Variants in GRM4 observed in about 807,000 individuals in gnomAD.
GRM4 encodes glutamate metabotropic receptor 4, also known as metabotropic glutamate receptor 4.
In GRM4, 28 loss-of-function variants were observed where a neutral mutation model predicts 81.7. The observed-to-expected ratio is 0.34, with a 90% CI of 0.25 to 0.47. The LOEUF is 0.47. Among genes scored for constraint, GRM4 ranks in the 20% least tolerant of loss-of-function variants. The pLI is 1.00. For synonymous variants in GRM4, 488 were observed against 528.8 expected, an observed-to-expected ratio of 0.92 and a Z score of 1.06; for missense variants, 948 against 1,290.0, an observed-to-expected ratio of 0.73 and a Z score of 4.06.
In GRM4 at chr6:34,133,704, C is replaced by A. The variant is rs1454275615; in HGVS notation, c.-208G>T. The stretch of plus-strand genomic sequence containing the variant: ...TGCCCGCACAGTCCAGGCCCACAGA[C>A]AGCAGGCAGTGGCCGGGGTTGCAGG... On this transcript the variant is annotated 5_prime_UTR_variant, in exon 2 of 11. Coordinates refer to ENST00000538487, the MANE Select transcript of GRM4 (RefSeq NM_000841.4). This position sits in a 1 kb window ranked among gnomAD's most constrained non-coding sequence, Gnocchi z 6.5. The A allele has an allele frequency of 1.5e-6, 2 of 1,311,680 alleles. No homozygotes were observed. Among genetic ancestry groups the A allele is most frequent in the African/African-American group, 3.0e-5 (2 of 66,662 alleles). 81.3% of individuals were successfully genotyped at this position (1,311,680 alleles called of 1,614,324 possible).
chr6:34,110,325 A>C (rs1018014717), intron 2 of GRM4, among the ~76,000 whole-genome samples: 5 of 150,340 alleles, frequency 3.3e-5, no homozygotes, highest in Non-Finnish European at 5.9e-5. Context: ...AAAAAAAAAA[A>C]AAAACCCCAC....
intron 1 of GRM4, among the ~76,000 whole-genome samples, chr6:34,141,471 C>CAATTT (rs1770688917): frequency 6.6e-6 from 1 of 152,236 alleles, no homozygotes; most frequent in Non-Finnish European, 1.5e-5. Flanking sequence ...CTGCGTTCCC[C>CAATTT]AATTTATTTA....
chr6:34,144,554 C>T (rs992933584), intron 1 of GRM4, among the ~76,000 whole-genome samples: 13 of 152,170 alleles, frequency 8.5e-5, no homozygotes, highest in Non-Finnish European at 1.6e-4. Context: ...CACGGGCAAG[C>T]GGTTGCCGGG....
chr6:34,036,621 G>C lies in GRM4; in HGVS notation c.1507-18C>G, dbSNP rs773233897. On this transcript the variant is annotated intron_variant, in intron 8 of 10. Transcript: ENST00000538487. The surrounding 1 kb of genome is among the most constrained non-coding windows in gnomAD (Gnocchi z 9.0). ...CGCTCTATCTGGCAATGACAGCACC[G>C]TAAAGCAGGCCTCAGAACATGCCAC... is the stretch of plus-strand genomic sequence containing the variant. 1 of 1,433,834 alleles carries C rather than the reference G, an allele frequency of 7.0e-7. No homozygotes were observed. Among genetic ancestry groups the C allele is most frequent in the Non-Finnish European group, 9.6e-7 (1 of 1,046,392 alleles). The allele number at this position is 1,433,834 out of a possible 1,614,324, so 88.8% of individuals were successfully genotyped here. A position where few individuals can be genotyped will look rare whatever the true frequency, so the allele number is the denominator to read the frequency against.
intron 1 of GRM4, chr6:34,154,977 G>C (rs1771118894): frequency 2.0e-6 from 2 of 986,410 alleles, no homozygotes; most frequent in East Asian, 6.0e-5. Flanking sequence ...GCCTGGGGCG[G>C]GTCCGAGCGG....
Position 34,059,514 on chromosome 6 carries a change from C to A in GRM4, c.873-386G>T, listed in dbSNP as rs1052461814. On this transcript the variant is annotated intron_variant, in intron 4 of 10. Transcript: ENST00000538487. The surrounding 1 kb of genome is among the most constrained non-coding windows in gnomAD (Gnocchi z 5.7). The stretch of plus-strand genomic sequence containing the variant: ...TCCCCTGAGACGCATGCCTTCCTGG[C>A]TCATCCACCCCCACATTCCTTGCCC... 25 of 263,772 alleles carry A rather than the reference C, an allele frequency of 9.5e-5. No individual in the cohort carries two copies. The highest frequency in any genetic ancestry group is 1.3e-3 in the Middle Eastern group (1 of 782). The allele number at this position is 263,772 out of a possible 1,614,324, so 16.3% of individuals were successfully genotyped here.
rs779254426 is a variant in GRM4, at chr6:34,121,034, C to T, written c.519+11944G>A. On this transcript the variant is annotated intron_variant, in intron 2 of 10. Coordinates refer to ENST00000538487, the MANE Select transcript of GRM4 (RefSeq NM_000841.4). The surrounding 1 kb of genome is among the most constrained non-coding windows in gnomAD (Gnocchi z 4.6). The stretch of plus-strand genomic sequence containing the variant: ...TTTAAATCATTTATTAAGATACGTG[C>T]ACACCTTGGTGAAAGAGAGTAAGCC... Among the ~76,000 whole-genome samples, 1 of 152,178 alleles carries T rather than the reference C, an allele frequency of 6.6e-6. No individual in the cohort carries two copies. The highest frequency in any genetic ancestry group is 2.1e-4 in the South Asian group (1 of 4,828).
At chr6:34,120,181 G>A (rs550174249) in intron 2 of GRM4, among the ~76,000 whole-genome samples, 2 of 152,204 alleles carry the variant, frequency 1.3e-5, no homozygotes, top group Non-Finnish European at 2.9e-5. Flanking sequence ...CAAGGCCACT[G>A]AATAAAGGCT....
rs1011070442 is a variant in GRM4 at position 34,068,018 on chromosome 6, C to T, written c.737-5990G>A. On this transcript the variant is annotated intron_variant, in intron 3 of 10. Coordinates refer to ENST00000538487, the MANE Select transcript of GRM4 (RefSeq NM_000841.4). The surrounding 1 kb of genome is among the most constrained non-coding windows in gnomAD (Gnocchi z 4.2). ...AGCGCCTCCTATGTGCCAGGCATGG[C>T]GTGAGACACTGGGATGCAGCCATGC... Among the ~76,000 whole-genome samples the T allele has an allele frequency of 6.6e-6, 1 of 152,256 alleles. No individual in the cohort carries two copies. Among genetic ancestry groups the T allele is most frequent in the Non-Finnish European group, 1.5e-5 (1 of 68,050 alleles).
In GRM4 at chr6:34,022,349, A is replaced by AGG. The variant is rs1416847395; in HGVS notation, c.*470_*471dup. The AGG allele has an allele frequency of 5.8e-6, 1 of 172,456 alleles. No individual in the cohort carries two copies. The highest frequency in any genetic ancestry group is 1.7e-4 in the East Asian group (1 of 6,014). The allele number at this position is 172,456 out of a possible 1,614,324, so 10.7% of individuals were successfully genotyped here. On this transcript the variant is annotated 3_prime_UTR_variant, in exon 11 of 11. Transcript: ENST00000538487. This position sits in a 1 kb window ranked among gnomAD's most constrained non-coding sequence, Gnocchi z 5.6. ...TGAGGACAAAGAGGATGAGAGAGAG[A>AGG]GGCGGAGGCAAGAGCCAGAAAGGAG...
intron 1 of GRM4, among the ~76,000 whole-genome samples, chr6:34,135,802 A>G (rs1405462287): frequency 6.6e-6 from 1 of 152,268 alleles, no homozygotes; most frequent in Non-Finnish European, 1.5e-5. Context: ...CATAAGAGCC[A>G]TAGACGAATC....
At chr6:34,102,358 T>G (rs115508918) in intron 2 of GRM4, among the ~76,000 whole-genome samples, 3 of 152,196 alleles carry the variant, frequency 2.0e-5, no homozygotes, top group Non-Finnish European at 4.4e-5. Flanking sequence ...CACTCCCAGC[T>G]TGGCCTCACT....
chr6:34,103,250 G>A (rs1447644041), intron 2 of GRM4, among the ~76,000 whole-genome samples: 1 of 152,216 alleles, frequency 6.6e-6, no homozygotes, highest in Non-Finnish European at 1.5e-5. Context: ...ACAGACGCAG[G>A]CAACAGGCCT....
At chr6:34,049,196 C>T (rs1295235796) in intron 6 of GRM4, among the ~76,000 whole-genome samples, 1 of 152,128 alleles carries the variant, frequency 6.6e-6, no homozygotes, top group Admixed American at 6.5e-5. Flanking sequence ...GCACCCACCT[C>T]TCTAAGGAGA....
At chr6:34,155,311 G>A in exon 1 of GRM4, 1 of 1,528,962 alleles carries the variant, frequency 6.5e-7, no homozygotes, top group Non-Finnish European at 8.8e-7. Context: ...GGGGTGGGGT[G>A]CGATGCAGAG....
intron 2 of GRM4, among the ~76,000 whole-genome samples, chr6:34,123,420 G>T (rs1234662145): frequency 6.6e-6 from 1 of 152,178 alleles, no homozygotes; most frequent in African/African-American, 2.4e-5. Context: ...CAGGAGATGA[G>T]GACAAACATG....
chr6:34,119,374 C>T (rs900742266), intron 2 of GRM4, among the ~76,000 whole-genome samples: 1 of 149,796 alleles, frequency 6.7e-6, no homozygotes. Flanking sequence ...CCAGCCTGGG[C>T]GACAGAGAGA....
chr6:34,025,731 G>A (rs1764100703), intron 10 of GRM4, among the ~76,000 whole-genome samples: 1 of 152,200 alleles, frequency 6.6e-6, no homozygotes, highest in African/African-American at 2.4e-5. Context: ...CAATGCTGTG[G>A]GGGAATCTCG....
intron 3 of GRM4, among the ~76,000 whole-genome samples, chr6:34,087,114 G>A (rs1767929795): frequency 6.8e-6 from 1 of 147,558 alleles, no homozygotes; most frequent in Admixed American, 6.8e-5. Flanking sequence ...AAGAGAGTGA[G>A]ACCCAATCTC....
Sources: gnomAD v4.1 joint callset for allele counts (sites outside exome capture counted in the v4.1 genomes callset) on GRCh38, gnomAD v4.1.1 for gene constraint, Gnocchi (gnomAD v3.1) non-coding constraint, MANE v1.5 for transcripts, NCBI Gene and HGNC (gene_info 2026-07-23, HGNC 2026-07-21) for gene names.